The following GPD2 variants were observed in gnomAD, a reference collection of about 807,000 sequenced individuals.
The protein encoded by GPD2 is glycerol-3-phosphate dehydrogenase, mitochondrial.
GPD2 carries 54 observed loss-of-function variants against 82.4 expected under a neutral mutation model. The ratio of observed to expected loss-of-function variants is 0.66; its 90% confidence interval spans 0.53 to 0.82. The LOEUF is 0.82. GPD2 is among the 40% of genes least tolerant of loss of function. The pLI is 0.00. For missense variants in GPD2, 748 were observed against 896.2 expected (o/e 0.83, Z 2.11); for synonymous variants, 288 against 306.1 (o/e 0.94, Z 0.62).
rs542270146 is a variant in GPD2 at position 156,510,893 on chromosome 2, G to T, written c.372G>T (p.Lys124Asn). 2.2e-4 allele frequency: 355 copies of T among 1,613,374 alleles called. 2 individuals are homozygous for T. The South Asian group carries it at 3.7e-3, about 17-fold the overall frequency. Reference protein sequence around the residue: ...LIHGGVRYLQKAIMKLDIEQY... With the variant: ...LIHGGVRYLQNAIMKLDIEQY... Reference sequence around the variant, plus strand: ...ATGGTGGTGTGAGATATCTGCAGAAGGCCATCATGAAGTTGGATATTGAGC... The same window carrying T: ...ATGGTGGTGTGAGATATCTGCAGAATGCCATCATGAAGTTGGATATTGAGC... The change falls in exon 4 of 17, where the codon AAG becomes AAT. Residue 124 changes from lysine (K) to asparagine (N), a missense_variant. Around this residue, in one of 3 missense-constraint regions of GPD2, gnomAD observed 692 missense variants for 809.7 expected, o/e 0.85. Coordinates refer to ENST00000438166, the MANE Select transcript of GPD2 (RefSeq NM_000408.5).
chr2:156,477,081 G>A (rs1683539541), intron 2 of GPD2, among the ~76,000 whole-genome samples: 1 of 152,146 alleles, frequency 6.6e-6, no homozygotes, highest in Non-Finnish European at 1.5e-5. Context: ...GCTACAAGGT[G>A]GTGGAGCCAG....
intron 13 of GPD2, among the ~76,000 whole-genome samples, chr2:156,578,231 C>T (rs1687894963): frequency 6.6e-6 from 1 of 152,168 alleles, no homozygotes; most frequent in African/African-American, 2.4e-5. Context: ...TCTCATGACT[C>T]TGTAACTTCA....
chr2:156,583,074 G>T lies in GPD2; in HGVS notation c.*156G>T. The T allele has an allele frequency of 1.3e-6, 1 of 767,068 alleles. No individual in the cohort carries two copies. The highest frequency in any genetic ancestry group is 1.5e-5 in the South Asian group (1 of 66,980). The allele number at this position is 767,068 out of a possible 1,614,324, so 47.5% of individuals were successfully genotyped here. A position where few individuals can be genotyped will look rare whatever the true frequency, so the allele number is the denominator to read the frequency against. On this transcript the variant is annotated 3_prime_UTR_variant, in exon 17 of 17. Transcript: ENST00000438166. The stretch of plus-strand genomic sequence containing the variant: ...AAAACTTTAAGGTGTTGGTGTATTT[G>T]CCAGCTTTATTTGCTGTACTTTATT...
intron 2 of GPD2, among the ~76,000 whole-genome samples, chr2:156,487,882 A>G (rs1041267821): frequency 2.6e-5 from 4 of 152,240 alleles, no homozygotes; most frequent in African/African-American, 7.2e-5. Context: ...TTTGAAGTAC[A>G]TATATTCAGA....
intron 3 of GPD2, among the ~76,000 whole-genome samples, chr2:156,500,388 A>G (rs1684546349): frequency 6.6e-6 from 1 of 152,136 alleles, no homozygotes; most frequent in Admixed American, 6.6e-5. Context: ...GAAGTGTGAA[A>G]TAATCATGGG....
intron 6 of GPD2, among the ~76,000 whole-genome samples, chr2:156,514,712 GT>G (rs1685135015): frequency 6.6e-6 from 1 of 152,048 alleles, no homozygotes; most frequent in Non-Finnish European, 1.5e-5. Context: ...AGGGTCTTAG[GT>G]AAACATTAAA....
At chr2:156,405,265 G>A in the GPD2 span, among the ~76,000 whole-genome samples, 1 of 152,156 alleles carries the variant, frequency 6.6e-6, no homozygotes, top group Non-Finnish European at 1.5e-5. Flanking sequence ...AAGGAAAGGG[G>A]TGGTGTAAAG....
the GPD2 span, among the ~76,000 whole-genome samples, chr2:156,423,963 C>A: frequency 6.6e-6 from 1 of 152,196 alleles, no homozygotes; most frequent in Non-Finnish European, 1.5e-5. Context: ...TTACCAAAAG[C>A]CACGCCAGGT....
At chr2:156,428,423 T>C in the GPD2 span, among the ~76,000 whole-genome samples, 1 of 152,334 alleles carries the variant, frequency 6.6e-6, no homozygotes, top group Non-Finnish European at 1.5e-5. Context: ...GAGGACCAGG[T>C]TGACAGTGAA....
intron 1 of GPD2, among the ~76,000 whole-genome samples, chr2:156,464,785 C>T (rs1035512035): frequency 1.3e-5 from 2 of 151,992 alleles, no homozygotes; most frequent in African/African-American, 4.8e-5. Flanking sequence ...AGATACTTCC[C>T]CAAATATATT....
At chr2:156,452,250 C>G (rs942672706) in intron 1 of GPD2, among the ~76,000 whole-genome samples, 5 of 152,254 alleles carry the variant, frequency 3.3e-5, no homozygotes, top group Admixed American at 2.0e-4. Flanking sequence ...CCACCTCACT[C>G]CAGCCTGGGC....
At chr2:156,406,542 AC>A in the GPD2 span, among the ~76,000 whole-genome samples, 2 of 152,006 alleles carry the variant, frequency 1.3e-5, no homozygotes, top group African/African-American at 4.8e-5. Context: ...GCATGCTGCT[AC>A]CAATTGCATT....
chr2:156,515,072 T>C lies in GPD2; in HGVS notation c.661+1576T>C, dbSNP rs145652909. 2.3e-3 allele frequency among the ~76,000 whole-genome samples: 350 copies of C among 152,290 alleles called. 1 individual carries two copies. Among genetic ancestry groups the C allele is most frequent in the African/African-American group, 7.4e-3 (309 of 41,562 alleles). ...CTATACTTTGTGATCTATTAGGCAC[T>C]AACCAATTTTATTTGTAAGCTTGTC... is the stretch of plus-strand genomic sequence containing the variant. On this transcript the variant is annotated intron_variant, in intron 6 of 16. Transcript: ENST00000438166.
In GPD2 at chr2:156,505,226, T is replaced by C. The variant is rs904639843; in HGVS notation, c.275-5570T>C. Among the ~76,000 whole-genome samples the C allele has an allele frequency of 5.3e-5, 8 of 152,276 alleles. No homozygotes were observed. The South Asian group carries it at 1.0e-3, about 20-fold the overall frequency. On this transcript the variant is annotated intron_variant, in intron 3 of 16. Transcript: ENST00000438166. The stretch of plus-strand genomic sequence containing the variant: ...AAGAGCTGTGTTAGTTCATAACTCT[T>C]GCCCCACCTAGAAGATACAATTTCA...
intron 1 of GPD2, among the ~76,000 whole-genome samples, chr2:156,457,395 G>A (rs558122013): frequency 6.6e-6 from 1 of 152,308 alleles, no homozygotes; most frequent in South Asian, 2.1e-4. Context: ...TGTGATTAGA[G>A]CCTGATCTGA....
At chr2:156,437,494 A>C (rs1681983683) in intron 1 of GPD2, among the ~76,000 whole-genome samples, 1 of 152,182 alleles carries the variant, frequency 6.6e-6, no homozygotes, top group Admixed American at 6.5e-5. Context: ...GACCGTGTGC[A>C]GTCTGGGGAA....
intron 6 of GPD2, among the ~76,000 whole-genome samples, chr2:156,549,314 C>T (rs1686663516): frequency 6.6e-6 from 1 of 152,222 alleles, no homozygotes; most frequent in African/African-American, 2.4e-5. Flanking sequence ...TGTTCCAACA[C>T]TGAGAGAATA....
intron 9 of GPD2, among the ~76,000 whole-genome samples, chr2:156,558,431 T>A (rs2105347223): frequency 6.6e-6 from 1 of 152,314 alleles, no homozygotes. Context: ...CAATGGCCTC[T>A]TTAGGTCAGG....
chr2:156,564,279 C>T (rs958317166), intron 9 of GPD2, among the ~76,000 whole-genome samples: 3 of 152,214 alleles, frequency 2.0e-5, no homozygotes, highest in African/African-American at 7.2e-5. Context: ...GTTGTTTCCC[C>T]TGTGGTTACC....
Sources: gnomAD v4.1 joint callset for allele counts (sites outside exome capture counted in the v4.1 genomes callset) on GRCh38, gnomAD v4.1.1 for gene constraint, gnomAD v4.1.1 regional missense constraint, MANE v1.5 for transcripts, NCBI Gene and HGNC (gene_info 2026-07-23, HGNC 2026-07-21) for gene names.